UBE2E2: variants seen among roughly 807,000 people sequenced by gnomAD.
UBE2E2 encodes the protein ubiquitin-conjugating enzyme E2 E2.
A neutral mutation model predicts 24.7 loss-of-function variants in UBE2E2; 6 were observed. That is an observed-to-expected ratio of 0.24 (90% CI 0.13 to 0.48). The LOEUF is 0.48. Ranked by LOEUF, UBE2E2 falls within the 20% of genes least tolerant of loss-of-function variation. The probability of loss-of-function intolerance (pLI) is 0.99; values close to 1 mark genes in which losing one functional copy is unlikely to be tolerated. For missense variants in UBE2E2, 169 were observed against 245.0 expected (o/e 0.69, Z 2.07); for synonymous variants, 104 against 83.6 (o/e 1.24, Z -1.33).
intron 3 of UBE2E2, among the ~76,000 whole-genome samples, chr3:23,248,828 A>T (rs1237221900): frequency 6.6e-6 from 1 of 152,242 alleles, no homozygotes; most frequent in Non-Finnish European, 1.5e-5. Flanking sequence ...TTCATCTGTT[A>T]TTCAGCCGAA....
intron 3 of UBE2E2, among the ~76,000 whole-genome samples, chr3:23,334,863 T>C (rs995643348): frequency 6.6e-6 from 1 of 152,224 alleles, no homozygotes. Context: ...GCTATTGATA[T>C]GTGAATTATC....
intron 3 of UBE2E2, among the ~76,000 whole-genome samples, chr3:23,253,891 G>T (rs1211548422): frequency 2.0e-5 from 3 of 152,158 alleles, no homozygotes; most frequent in Non-Finnish European, 4.4e-5. Flanking sequence ...TATAATCCTT[G>T]TGCTACAGTA....
chr3:23,258,008 G>A (rs1417162735), intron 3 of UBE2E2, among the ~76,000 whole-genome samples: 1 of 152,132 alleles, frequency 6.6e-6, no homozygotes, highest in Non-Finnish European at 1.5e-5. Context: ...AAAGGTTAAT[G>A]AGAAGAGATG....
chr3:23,351,339 A>G (rs1475004891), intron 3 of UBE2E2, among the ~76,000 whole-genome samples: 1 of 152,238 alleles, frequency 6.6e-6, no homozygotes, highest in Non-Finnish European at 1.5e-5. Flanking sequence ...TAACAAGCAA[A>G]ATAACCAGCT....
At chr3:23,370,157 C>T (rs559285832) in intron 3 of UBE2E2, among the ~76,000 whole-genome samples, 1 of 152,214 alleles carries the variant, frequency 6.6e-6, no homozygotes, top group South Asian at 2.1e-4. Flanking sequence ...CCCTAAGAAG[C>T]CTGCTTCTTT....
At chr3:23,430,035 C>T (rs1014291254) in intron 3 of UBE2E2, among the ~76,000 whole-genome samples, 1 of 152,110 alleles carries the variant, frequency 6.6e-6, no homozygotes, top group Non-Finnish European at 1.5e-5. Flanking sequence ...TACATGCCAC[C>T]GTGCCTGGCC....
At chr3:23,470,437 C>A (rs1699010511) in intron 3 of UBE2E2, among the ~76,000 whole-genome samples, 1 of 152,192 alleles carries the variant, frequency 6.6e-6, no homozygotes, top group African/African-American at 2.4e-5. Flanking sequence ...TCTTCCTCCA[C>A]AAGCACTAAC....
chr3:23,204,461 C>A (rs1696090478), intron 1 of UBE2E2, among the ~76,000 whole-genome samples: 2 of 152,134 alleles, frequency 1.3e-5, no homozygotes, highest in South Asian at 2.1e-4. Context: ...CAAAGTATCT[C>A]GCGGTTCTAA....
At chr3:23,320,923 A>T (rs1404540672) in intron 3 of UBE2E2, among the ~76,000 whole-genome samples, 1 of 152,224 alleles carries the variant, frequency 6.6e-6, no homozygotes, top group African/African-American at 2.4e-5. Context: ...GGCTTAAAAC[A>T]ACAGAAGTTA....
chr3:23,369,061 A>G (rs1479745120), intron 3 of UBE2E2, among the ~76,000 whole-genome samples: 1 of 152,236 alleles, frequency 6.6e-6, no homozygotes, highest in Admixed American at 6.5e-5. Flanking sequence ...GGAATTGCAG[A>G]TACTAGTCTT....
At chr3:23,451,984 A>C (rs9873929) in intron 3 of UBE2E2, among the ~76,000 whole-genome samples, 28,832 of 152,102 alleles carry the variant, frequency 0.19, 3,842 homozygotes, top group African/African-American at 0.37. Flanking sequence ...TCTTACTGGA[A>C]ATTAAATTAT....
chr3:23,346,010 A>G (rs948309238), intron 3 of UBE2E2, among the ~76,000 whole-genome samples: 1 of 152,186 alleles, frequency 6.6e-6, no homozygotes, highest in Non-Finnish European at 1.5e-5. Context: ...TCATGGTGCT[A>G]TGATATAATC....
intron 3 of UBE2E2, among the ~76,000 whole-genome samples, chr3:23,228,185 T>C (rs1259522082): frequency 6.6e-6 from 1 of 152,184 alleles, no homozygotes; most frequent in Non-Finnish European, 1.5e-5. Context: ...ATTTATTTGC[T>C]AATAAAAGAA....
At chr3:23,521,948 C>T (rs1212327684) in intron 4 of UBE2E2, among the ~76,000 whole-genome samples, 1 of 137,604 alleles carries the variant, frequency 7.3e-6, no homozygotes, top group Non-Finnish European at 1.5e-5. Flanking sequence ...TGAATTAAAG[C>T]AGTGTGAATG....
intron 3 of UBE2E2, among the ~76,000 whole-genome samples, chr3:23,336,611 G>T (rs1269915684): frequency 6.6e-6 from 1 of 152,116 alleles, no homozygotes; most frequent in Non-Finnish European, 1.5e-5. Context: ...ATGTAAAATT[G>T]TAACAAGTAC....
intron 3 of UBE2E2, among the ~76,000 whole-genome samples, chr3:23,397,221 A>G (rs1697100687): frequency 6.6e-6 from 1 of 152,162 alleles, no homozygotes; most frequent in Admixed American, 6.5e-5. Context: ...TTTTTGTGGG[A>G]GAATACAGAG....
At chr3:23,336,047 G>T (rs567875019) in intron 3 of UBE2E2, among the ~76,000 whole-genome samples, 2 of 152,084 alleles carry the variant, frequency 1.3e-5, no homozygotes, top group African/African-American at 4.8e-5. Context: ...TATGATACCT[G>T]CTGTGCTCTT....
At chr3:23,366,783 A>C (rs991841752) in intron 3 of UBE2E2, among the ~76,000 whole-genome samples, 9 of 152,182 alleles carry the variant, frequency 5.9e-5, no homozygotes, top group Non-Finnish European at 1.2e-4. Context: ...AAAAAGAAGA[A>C]AAAAATACCC....
chr3:23,236,152 T>C (rs1697102264), intron 3 of UBE2E2, among the ~76,000 whole-genome samples: 1 of 151,966 alleles, frequency 6.6e-6, no homozygotes, highest in African/African-American at 2.4e-5. Flanking sequence ...TTCCATGAAG[T>C]TGAGAGAAAA....
Sources: allele counts gnomAD v4.1 joint callset (sites outside exome capture counted in the v4.1 genomes callset), GRCh38; gene constraint gnomAD v4.1.1; transcripts MANE v1.5; gene names NCBI Gene and HGNC (gene_info 2026-07-23, HGNC 2026-07-21).